DYNC1H1: variants seen among roughly 807,000 people sequenced by gnomAD.
The protein encoded by DYNC1H1 is cytoplasmic dynein 1 heavy chain 1.
In DYNC1H1, 51 loss-of-function variants were observed where a neutral mutation model predicts 527.1. The observed-to-expected ratio is 0.10, with a 90% confidence interval of 0.08 to 0.12. DYNC1H1 has a LOEUF of 0.12. Ranked by LOEUF, DYNC1H1 falls within the 10% of genes least tolerant of loss-of-function variation. The probability of loss-of-function intolerance (pLI) is 1.00; values close to 1 mark genes in which losing one functional copy is unlikely to be tolerated. For synonymous variants in DYNC1H1, 2,189 were observed against 2,278.8 expected, an observed-to-expected ratio of 0.96 and a Z score of 1.12; for missense variants, 2,771 against 5,971.8, an observed-to-expected ratio of 0.46 and a Z score of 17.66.
chr14:102,050,782 A>T lies in DYNC1H1; in HGVS notation c.*219A>T. On this transcript the variant is annotated 3_prime_UTR_variant, in exon 78 of 78. Coordinates refer to ENST00000360184, the MANE Select transcript of DYNC1H1 (RefSeq NM_001376.5). ...CGTGGCTCCTTTGAGGAAATAAAAC[A>T]CTAAGCATGAGCCGGCTCCGCCTCT... The T allele has an allele frequency of 1.6e-6, 1 of 625,196 alleles. No homozygotes were observed. The highest frequency in any genetic ancestry group is 4.7e-4 in the Middle Eastern group (1 of 2,128). 38.7% of individuals were successfully genotyped at this position (625,196 alleles called of 1,614,324 possible).
In DYNC1H1 at chr14:102,016,177, C is replaced by A; in HGVS notation, c.7473+91C>A. The stretch of plus-strand genomic sequence containing the variant: ...GAAATGCTGCACCTGTGGGGATGTG[C>A]GCTCTCTCCTAGGCGAGGCAGAGCC... On this transcript the variant is annotated intron_variant, in intron 36 of 77. Coordinates refer to ENST00000360184, the MANE Select transcript of DYNC1H1 (RefSeq NM_001376.5). This position sits in a 1 kb window ranked among gnomAD's most constrained non-coding sequence, Gnocchi z 7.3. The A allele has an allele frequency of 4.0e-6, 6 of 1,516,800 alleles. No individual in the cohort carries two copies. The highest frequency in any genetic ancestry group is 5.4e-6 in the Non-Finnish European group (6 of 1,118,462). 94.0% of individuals were successfully genotyped at this position (1,516,800 alleles called of 1,614,324 possible).
intron 56 of DYNC1H1, 162 bp downstream of exon 56, chr14:102,034,614 C>G (rs1214135803): frequency 2.6e-6 from 3 of 1,154,556 alleles, no homozygotes; most frequent in Admixed American, 1.9e-5. Flanking sequence ...GTGTGCTGTT[C>G]TCGTTATTGT....
intron 52 of DYNC1H1, 77 bp from the exon 53 acceptor site, chr14:102,032,988 C>CGGAA: frequency 6.8e-7 from 1 of 1,472,062 alleles, no homozygotes; most frequent in South Asian, 1.1e-5. Flanking sequence ...GCTCTGGTCT[C>CGGAA]TTCCATTTTA....
chr14:101,988,939 T>C, intron 10 of DYNC1H1, 87 bp downstream of exon 10: 1 of 1,553,192 alleles, frequency 6.4e-7, no homozygotes, highest in South Asian at 1.2e-5. Context: ...GGTCACTTAG[T>C]GTGGACACCT....
intron 52 of DYNC1H1, chr14:102,032,687 A>T (rs1000221653): frequency 3.2e-6 from 2 of 624,552 alleles, no homozygotes. Context: ...CCCTGTCTCT[A>T]CAAAAAAATA....
Position 102,049,984 on chromosome 14 carries a change from T to C in DYNC1H1, c.13685-87T>C. 1 of 1,613,906 alleles carries C rather than the reference T, an allele frequency of 6.2e-7. No individual in the cohort carries two copies. The highest frequency in any genetic ancestry group is 8.5e-7 in the Non-Finnish European group (1 of 1,179,936). Reference sequence around the variant, plus strand: ...TGCACTTAGGGTGACCGGCTGGCAGTTGGGTGGAGCCTCTGGGCGCCCTGT... The same window carrying C: ...TGCACTTAGGGTGACCGGCTGGCAGCTGGGTGGAGCCTCTGGGCGCCCTGT... On this transcript the variant is annotated intron_variant, in intron 76 of 77. Coordinates refer to ENST00000360184, the MANE Select transcript of DYNC1H1 (RefSeq NM_001376.5). This position sits in a 1 kb window ranked among gnomAD's most constrained non-coding sequence, Gnocchi z 5.5.
chr14:102,005,531 T>C lies in DYNC1H1; in HGVS notation c.5433+295T>C, dbSNP rs771160638. Reference sequence around the variant, plus strand: ...AGAGGTGGCCACAGCAGTGCTAAGCTGCACGGCACGGGCAGTGCTTGCTGC... The same window carrying C: ...AGAGGTGGCCACAGCAGTGCTAAGCCGCACGGCACGGGCAGTGCTTGCTGC... On this transcript the variant is annotated intron_variant, in intron 26 of 77. Transcript: ENST00000360184. This position sits in a 1 kb window ranked among gnomAD's most constrained non-coding sequence, Gnocchi z 4.0. Among the ~76,000 whole-genome samples, 1 of 152,200 alleles carries C rather than the reference T, an allele frequency of 6.6e-6. No individual in the cohort carries two copies. Among genetic ancestry groups the C allele is most frequent in the African/African-American group, 2.4e-5 (1 of 41,448 alleles).
chr14:102,005,070 T>G lies in DYNC1H1; in HGVS notation c.5267T>G (p.Ile1756Arg), dbSNP rs370679038. ...CAGCTTGTGGTTTTGTCAGCCCAGA[T>G]AGCCTGGTCTGAGAACGTGGAGACC... The part of the protein sequence containing the change: ...QAQLVVLSAQ[I>R]AWSENVETAL... Residue 1756 changes from isoleucine to arginine, a missense_variant, in exon 26 of 78, where the codon ATA becomes AGA. Physicochemically the swap from Ile to Arg is moderately conservative, Grantham distance 97. Coordinates refer to ENST00000360184, the MANE Select transcript of DYNC1H1 (RefSeq NM_001376.5). This position sits in a 1 kb window ranked among gnomAD's most constrained non-coding sequence, Gnocchi z 4.0. 6.2e-7 allele frequency: 1 copy of G among 1,614,222 alleles called. No individual in the cohort carries two copies. The highest frequency in any genetic ancestry group is 8.5e-7 in the Non-Finnish European group (1 of 1,180,042).
intron 72 of DYNC1H1, among the ~76,000 whole-genome samples, chr14:102,046,915 C>T (rs1443130251): frequency 1.3e-5 from 2 of 152,122 alleles, no homozygotes. Context: ...CCCCCCACCT[C>T]AGCCTTCCAA....
At chr14:102,028,214 T>TA in intron 48 of DYNC1H1, 73 bp downstream of exon 48, 1 of 1,568,682 alleles carries the variant, frequency 6.4e-7, no homozygotes, top group Non-Finnish European at 8.7e-7. Flanking sequence ...TAAATTGCTA[T>TA]AAAAATAGAC....
intron 16 of DYNC1H1, among the ~76,000 whole-genome samples, chr14:101,998,879 C>CT (rs888317854): frequency 0.086 from 9,925 of 115,044 alleles, 956 homozygotes; most frequent in African/African-American, 0.2. Context: ...AAAACTTTTT[C>CT]TTTTTTTTTT....
At chr14:101,976,058 C>T (rs1239385178) in intron 2 of DYNC1H1, among the ~76,000 whole-genome samples, 8 of 151,628 alleles carry the variant, frequency 5.3e-5, no homozygotes, top group Admixed American at 5.2e-4. Context: ...CAGACATGCA[C>T]CGCCACGCCT....
chr14:102,042,544 C>T lies in DYNC1H1; in HGVS notation c.12399+37C>T, dbSNP rs1343967402. On this transcript the variant is annotated intron_variant, in intron 68 of 77. Coordinates refer to ENST00000360184, the MANE Select transcript of DYNC1H1 (RefSeq NM_001376.5). The surrounding 1 kb of genome is among the most constrained non-coding windows in gnomAD (Gnocchi z 5.7). ...AAGGAGTGGAGACGTTGCAGGCTGG[C>T]CTGGCACTGTGCTGTCGGCACGTGT... 1.2e-6 allele frequency: 2 copies of T among 1,613,774 alleles called. No individual in the cohort carries two copies. The highest frequency in any genetic ancestry group is 2.7e-5 in the African/African-American group (2 of 74,926).
chr14:102,047,622 T>TAG (rs779524070), intron 72 of DYNC1H1, 195 bp from the exon 73 acceptor site: 1 of 266,294 alleles, frequency 3.8e-6, no homozygotes, highest in African/African-American at 4.0e-5. Flanking sequence ...TATATACACG[T>TAG]GTGTGTGTGT....
rs147905977 is a variant in DYNC1H1 at position 102,010,869 on chromosome 14, C to A, written c.6535C>A (p.Arg2179=). Residue 2179 remains arginine (R), a synonymous_variant, in exon 32 of 78, where the codon CGA becomes AGA. Transcript: ENST00000360184. The surrounding 1 kb of genome is among the most constrained non-coding windows in gnomAD (Gnocchi z 6.0). ...QYHRGEMTAL[R]EELKKVCQEM... ...TCACAGGGGTGAGATGACTGCCCTT[C>A]GAGAGGAGCTGAAGAAAGTGTGTCA... is the stretch of plus-strand genomic sequence containing the variant. 2.0e-4 allele frequency: 318 copies of A among 1,614,146 alleles called. No homozygotes were observed. The highest frequency in any genetic ancestry group is 2.5e-4 in the Non-Finnish European group (298 of 1,180,042).
At chr14:101,995,910 A>C (rs1490880484) in intron 15 of DYNC1H1, among the ~76,000 whole-genome samples, 2 of 151,448 alleles carry the variant, frequency 1.3e-5, no homozygotes, top group African/African-American at 4.9e-5. Flanking sequence ...AAAATATACA[A>C]AAAATTACCT....
rs750213800 is a variant in DYNC1H1 at position 101,964,957 on chromosome 14, C to A, written c.256+10C>A. ...CGCTCCACGCTCAAAGGTGCGGGGC[C>A]GCGGAGGGCAGGGTCGCCAGAGCCA... On this transcript the variant is annotated intron_variant, in intron 1 of 77. Transcript: ENST00000360184. This position sits in a 1 kb window ranked among gnomAD's most constrained non-coding sequence, Gnocchi z 5.5. 6.3e-7 allele frequency: 1 copy of A among 1,588,458 alleles called. No homozygotes were observed. Among genetic ancestry groups the A allele is most frequent in the East Asian group, 2.3e-5 (1 of 44,090 alleles).
chr14:101,976,796 A>C (rs994518125), intron 2 of DYNC1H1, among the ~76,000 whole-genome samples: 4 of 152,192 alleles, frequency 2.6e-5, no homozygotes, highest in African/African-American at 9.7e-5. Flanking sequence ...GATTCAACCA[A>C]CCACAGATAG....
chr14:101,989,000 T>C, intron 10 of DYNC1H1, 148 bp downstream of exon 10: 6 of 1,095,482 alleles, frequency 5.5e-6, no homozygotes, highest in South Asian at 2.8e-5. Flanking sequence ...CCAGTGGCGA[T>C]GTGCAGGTGT....
Sources: allele counts gnomAD v4.1 joint callset (sites outside exome capture counted in the v4.1 genomes callset), GRCh38; gene constraint gnomAD v4.1.1; non-coding constraint Gnocchi (gnomAD v3.1); transcripts MANE v1.5; gene names NCBI Gene and HGNC (gene_info 2026-07-23, HGNC 2026-07-21).